IL6: variants seen among roughly 807,000 people sequenced by gnomAD.
The protein encoded by IL6 is interleukin 6, also known as interleukin-6.
In IL6, 5 loss-of-function variants were observed where a neutral mutation model predicts 18.0. That is an observed-to-expected ratio of 0.28 (90% CI 0.15 to 0.58). The LOEUF (loss-of-function observed/expected upper bound fraction) is 0.58, where lower values mean the gene tolerates loss of function less well. Among genes scored for constraint, IL6 ranks in the 20% least tolerant of loss-of-function variants. IL6 has a pLI of 0.90. For missense variants in IL6, 266 were observed against 251.0 expected (o/e 1.06, Z -0.40); for synonymous variants, 97 against 95.1 (o/e 1.02, Z -0.12).
Position 22,729,542 on chromosome 7 carries a change from G to A in IL6, c.353G>A (p.Gly118Asp), listed in dbSNP as rs1784083642. The part of the protein sequence containing the change: ...EETCLVKIIT[G>D]LLEFEVYLEY... ...ACTTGCCTGGTGAAAATCATCACTG[G>A]TCTTTTGGAGTTTGAGGTATACCTA... Residue 118 changes from glycine to aspartate, a missense_variant, in exon 4 of 5, where the codon GGT (glycine) becomes GAT (aspartate). Gly to Asp is a moderately conservative substitution (Grantham distance 94). Coordinates refer to ENST00000258743, the MANE Select transcript of IL6 (RefSeq NM_000600.5). 6.2e-7 allele frequency: 1 copy of A among 1,614,004 alleles called. No homozygotes were observed. The highest frequency in any genetic ancestry group is 8.5e-7 in the Non-Finnish European group (1 of 1,179,918).
At chr7:22,730,491 G>C (rs1423610294) in intron 4 of IL6, 2 of 156,486 alleles carry the variant, frequency 1.3e-5, no homozygotes, top group African/African-American at 4.8e-5. Flanking sequence ...CATATGGTGG[G>C]TCTATGGAAA....
intron 1 of IL6, 70 bp from the exon 2 acceptor site, chr7:22,727,374 G>A (rs1784027001): frequency 6.2e-7 from 1 of 1,613,198 alleles, no homozygotes; most frequent in Non-Finnish European, 8.5e-7. Flanking sequence ...GCTGGCGGGC[G>A]GCCAGCAGCA....
At chr7:22,727,406 T>C in intron 1 of IL6, 38 bp from the exon 2 acceptor site, 1 of 1,613,476 alleles carries the variant, frequency 6.2e-7, no homozygotes. Context: ...CCAGCTGTGC[T>C]GTCAGCTCAC....
Position 22,731,593 on chromosome 7 carries a change from T to C in IL6, c.*20T>C. ...ATGTAGCATGGGCACCTCAGATTGT[T>C]GTTGTTAATGGGCATTCCTTCTTCT... is the stretch of plus-strand genomic sequence containing the variant. On this transcript the variant is annotated 3_prime_UTR_variant, in exon 5 of 5. Coordinates refer to ENST00000258743, the MANE Select transcript of IL6 (RefSeq NM_000600.5). 6.4e-7 allele frequency: 1 copy of C among 1,557,298 alleles called. No homozygotes were observed. Among genetic ancestry groups the C allele is most frequent in the Non-Finnish European group, 8.8e-7 (1 of 1,142,136 alleles).
At position 22,727,437 on chromosome 7, in the gene IL6, G is replaced by A; in HGVS notation, c.20-7G>A. On this transcript the variant is annotated splice_polypyrimidine_tract_variant and splice_region_variant and intron_variant, in intron 1 of 4. Transcript: ENST00000258743. ...CTCACCCCTGCGCTCGCTCCCCTCC[G>A]GCACAGGCGCCTTCGGTCCAGTTGC... is the stretch of plus-strand genomic sequence containing the variant. 6.2e-7 allele frequency: 1 copy of A among 1,613,670 alleles called. No individual in the cohort carries two copies. The highest frequency in any genetic ancestry group is 8.5e-7 in the Non-Finnish European group (1 of 1,179,822).
intron 4 of IL6, chr7:22,729,930 G>C: frequency 1.5e-6 from 2 of 1,345,754 alleles, no homozygotes; most frequent in Non-Finnish European, 9.5e-7. Context: ...TAGTGCAAGA[G>C]ATTTAAAACC....
At position 22,731,748 on chromosome 7, in the gene IL6, T is replaced by C. The variant is rs1283915844; in HGVS notation, c.*175T>C. 1 of 335,610 alleles carries C rather than the reference T, an allele frequency of 3.0e-6. No homozygotes were observed. Among genetic ancestry groups the C allele is most frequent in the South Asian group, 1.5e-4 (1 of 6,686 alleles). 20.8% of individuals were successfully genotyped at this position (335,610 alleles called of 1,614,324 possible). On this transcript the variant is annotated 3_prime_UTR_variant, in exon 5 of 5. Transcript: ENST00000258743. ...TTTAAATATGTGAAGCTGAGTTAAT[T>C]TATGTAAGTCATATTTATATTTTTA... is the stretch of plus-strand genomic sequence containing the variant.
chr7:22,729,146 T>C (rs1046228128), intron 3 of IL6, among the ~76,000 whole-genome samples: 6 of 148,900 alleles, frequency 4.0e-5, no homozygotes, highest in Admixed American at 6.7e-5. Context: ...CCTCCCTCCC[T>C]GCCCAGCTCA....
rs1473583301 is a variant in IL6 at position 22,729,739 on chromosome 7, C to T, written c.471+79C>T. 5.6e-6 allele frequency: 9 copies of T among 1,608,910 alleles called. No homozygotes were observed. In the South Asian group the frequency reaches 7.7e-5, roughly 14 times the overall value. On this transcript the variant is annotated intron_variant, in intron 4 of 4. Transcript: ENST00000258743. Reference sequence around the variant, plus strand: ...CAGTGTCCTGGACAACTCAGGGATGCAATGCCACTTCCAAAAGAGAAGGCT... The same window carrying T: ...CAGTGTCCTGGACAACTCAGGGATGTAATGCCACTTCCAAAAGAGAAGGCT...
chr7:22,731,001 T>C (rs564740423), intron 4 of IL6, among the ~76,000 whole-genome samples: 1 of 152,150 alleles, frequency 6.6e-6, no homozygotes, highest in East Asian at 1.9e-4. Flanking sequence ...TATGGGAGGC[T>C]GAGGTGGGTG....
rs112538818 is a variant in IL6, at chr7:22,730,145, G to C, written c.471+485G>C. On this transcript the variant is annotated intron_variant, in intron 4 of 4. Coordinates refer to ENST00000258743, the MANE Select transcript of IL6 (RefSeq NM_000600.5). ...GGTCAGAGACTCAAGGGTGGAAAGA[G>C]GTACCAAAGGCTTTGGCCACCAGTA... 7.1e-6 allele frequency: 7 copies of C among 985,434 alleles called. 1 individual carries two copies. In the African/African-American group the frequency reaches 1.2e-4, roughly 17 times the overall value. 61.0% of individuals were successfully genotyped at this position (985,434 alleles called of 1,614,324 possible). A position where few individuals can be genotyped will look rare whatever the true frequency, so the allele number is the denominator to read the frequency against.
At chr7:22,727,695 C>A (rs1583432321) in intron 2 of IL6, 61 bp downstream of exon 2, 2 of 1,508,910 alleles carry the variant, frequency 1.3e-6, no homozygotes, top group Non-Finnish European at 1.8e-6. Flanking sequence ...CTTGCCCCTG[C>A]GTGTGGCCGG....
intron 3 of IL6, 132 bp from the exon 4 acceptor site, chr7:22,729,382 A>G (rs1397284366): frequency 6.4e-6 from 5 of 786,640 alleles, no homozygotes; most frequent in African/African-American, 1.7e-5. Flanking sequence ...GTCCCAAAAC[A>G]TGCTGCCTAA....
intron 1 of IL6, 78 bp downstream of exon 1, chr7:22,727,359 G>T (rs1213434083): frequency 6.2e-7 from 1 of 1,613,804 alleles, no homozygotes; most frequent in East Asian, 2.2e-5. Flanking sequence ...TGTGGCCCAG[G>T]GAGGGCTGGC....
In IL6 at chr7:22,727,220, G is replaced by T; in HGVS notation, c.-43G>T. 1 of 1,611,938 alleles carries T rather than the reference G, an allele frequency of 6.2e-7. No homozygotes were observed. Among genetic ancestry groups the T allele is most frequent in the Non-Finnish European group, 8.5e-7 (1 of 1,179,514 alleles). Reference sequence around the variant, plus strand: ...GGCTCATTCTGCCCTCGAGCCCACCGGGAACGAAAGAGAAGCTCTATCTCC... The same window carrying T: ...GGCTCATTCTGCCCTCGAGCCCACCTGGAACGAAAGAGAAGCTCTATCTCC... On this transcript the variant is annotated 5_prime_UTR_variant, in exon 1 of 5. Coordinates refer to ENST00000258743, the MANE Select transcript of IL6 (RefSeq NM_000600.5).
intron 4 of IL6, chr7:22,730,474 C>T (rs1407110953): frequency 1.2e-5 from 2 of 161,794 alleles, no homozygotes; most frequent in African/African-American, 4.8e-5. Flanking sequence ...CCACAAGTTA[C>T]TTATCCCATA....
At chr7:22,727,326 G>A (rs551377783) in intron 1 of IL6, 45 bp downstream of exon 1, 6 of 1,613,956 alleles carry the variant, frequency 3.7e-6, no homozygotes, top group Middle Eastern at 1.7e-4. Context: ...AGCGGCGGTC[G>A]AGCCCTGTGT....
At chr7:22,731,358 G>GATTTATTCA in intron 4 of IL6, 48 bp from the exon 5 acceptor site, 1 of 1,442,338 alleles carries the variant, frequency 6.9e-7, no homozygotes, top group Non-Finnish European at 9.4e-7. Context: ...CACTGCAAAG[G>GATTTATTCA]ATTTATTCAA....
At position 22,731,933 on chromosome 7, in the gene IL6, T is replaced by C. The variant is rs201176371; in HGVS notation, c.*360T>C. 6.6e-6 allele frequency: 1 copy of C among 151,072 alleles called. No individual in the cohort carries two copies. Among genetic ancestry groups the C allele is most frequent in the Non-Finnish European group, 1.5e-5 (1 of 67,880 alleles). The allele number at this position is 151,072 out of a possible 1,614,324, so 9.4% of individuals were successfully genotyped here. On this transcript the variant is annotated 3_prime_UTR_variant, in exon 5 of 5. Transcript: ENST00000258743. Reference sequence around the variant, plus strand: ...ACTTATACATATTTTTAAAGAAATATTTATATTGTATTTATATAATGTATA... The same window carrying C: ...ACTTATACATATTTTTAAAGAAATACTTATATTGTATTTATATAATGTATA...
Sources: allele counts gnomAD v4.1 joint callset (sites outside exome capture counted in the v4.1 genomes callset), GRCh38; gene constraint gnomAD v4.1.1; transcripts MANE v1.5; gene names NCBI Gene and HGNC (gene_info 2026-07-23, HGNC 2026-07-21).